CCSER1: variants seen among roughly 807,000 people sequenced by gnomAD.
CCSER1 encodes the protein serine-rich coiled-coil domain-containing protein 1.
CCSER1 carries 41 observed loss-of-function variants against 82.0 expected under a neutral mutation model. That is an observed-to-expected ratio of 0.50 (90% CI 0.39 to 0.65). CCSER1 has a LOEUF of 0.65. Ranked by LOEUF, CCSER1 falls within the 30% of genes least tolerant of loss-of-function variation. The probability of loss-of-function intolerance (pLI) is 0.00; values close to 1 mark genes in which losing one functional copy is unlikely to be tolerated. For synonymous variants in CCSER1, 414 were observed against 383.9 expected, an observed-to-expected ratio of 1.08 and a Z score of -0.92; for missense variants, 1,119 against 1,064.2, an observed-to-expected ratio of 1.05 and a Z score of -0.72.
intron 5 of CCSER1, among the ~76,000 whole-genome samples, chr4:90,506,766 A>C: frequency 9.3e-6 from 1 of 107,648 alleles, no homozygotes; most frequent in African/African-American, 3.9e-5. Context: ...CTCCGTGTCC[A>C]AAAAAAAAAA....
At chr4:91,520,492 C>T (rs1003844260) in intron 10 of CCSER1, among the ~76,000 whole-genome samples, 2 of 152,194 alleles carry the variant, frequency 1.3e-5, no homozygotes. Flanking sequence ...AATCTATCAA[C>T]TTGGTTTTAT....
chr4:91,080,186 A>G (rs1028556185), intron 9 of CCSER1, among the ~76,000 whole-genome samples: 2 of 152,224 alleles, frequency 1.3e-5, no homozygotes, highest in Non-Finnish European at 2.9e-5. Flanking sequence ...TCCTCAGCAA[A>G]TGTAGAAGAA....
chr4:90,812,883 A>T (rs530778593), intron 7 of CCSER1, among the ~76,000 whole-genome samples: 35 of 152,258 alleles, frequency 2.3e-4, no homozygotes, highest in African/African-American at 8.2e-4. Context: ...AACCACCCCC[A>T]TGATCCAATC....
intron 7 of CCSER1, among the ~76,000 whole-genome samples, chr4:90,757,795 GA>G (rs1350164482): frequency 1.4e-5 from 2 of 139,346 alleles, no homozygotes; most frequent in African/African-American, 4.9e-5. Flanking sequence ...AGAGACTGTG[GA>G]GTTTTTTTCT....
At chr4:90,297,085 G>A (rs1397956771) in intron 1 of CCSER1, among the ~76,000 whole-genome samples, 2 of 152,100 alleles carry the variant, frequency 1.3e-5, no homozygotes, top group African/African-American at 4.8e-5. Flanking sequence ...ACCTTGGGCA[G>A]TATGGCCATT....
At chr4:91,440,872 G>A (rs1206491139) in intron 10 of CCSER1, among the ~76,000 whole-genome samples, 1 of 152,154 alleles carries the variant, frequency 6.6e-6, no homozygotes, top group Non-Finnish European at 1.5e-5. Flanking sequence ...AAATCTAGAA[G>A]AAATGGATAA....
chr4:90,358,950 G>T (rs1417454257), intron 3 of CCSER1, among the ~76,000 whole-genome samples: 1 of 152,146 alleles, frequency 6.6e-6, no homozygotes, highest in Non-Finnish European at 1.5e-5. Flanking sequence ...TCAGAATATA[G>T]TTGGAGATAT....
At chr4:91,352,353 TCTC>T (rs1416280690) in intron 10 of CCSER1, among the ~76,000 whole-genome samples, 30 of 152,254 alleles carry the variant, frequency 2.0e-4, no homozygotes, top group East Asian at 1.9e-4. Context: ...TTCAAGCAAT[TCTC>T]CTGCCTCAGC....
chr4:91,014,919 G>A (rs979818314), intron 9 of CCSER1, among the ~76,000 whole-genome samples: 1 of 83,490 alleles, frequency 1.2e-5, no homozygotes, highest in Non-Finnish European at 3.5e-5. Context: ...GTTCAAGTTT[G>A]GAGAGAATCA....
intron 10 of CCSER1, among the ~76,000 whole-genome samples, chr4:91,472,635 A>C (rs1365987672): frequency 6.6e-6 from 1 of 152,186 alleles, no homozygotes; most frequent in Non-Finnish European, 1.5e-5. Context: ...TTGAGATTGT[A>C]ATATTTGTTA....
chr4:90,596,046 A>G (rs1160119953), intron 5 of CCSER1, among the ~76,000 whole-genome samples: 1 of 151,918 alleles, frequency 6.6e-6, no homozygotes, highest in Non-Finnish European at 1.5e-5. Context: ...GTGGTGCCTG[A>G]GTGCTTGCAT....
intron 9 of CCSER1, among the ~76,000 whole-genome samples, chr4:91,064,113 G>C (rs1744171275): frequency 1.3e-5 from 2 of 152,138 alleles, no homozygotes; most frequent in South Asian, 2.1e-4. Context: ...GCTGATAGAG[G>C]AATTAAATGT....
chr4:91,361,685 A>G (rs1749255465), intron 10 of CCSER1, among the ~76,000 whole-genome samples: 1 of 151,794 alleles, frequency 6.6e-6, no homozygotes, highest in South Asian at 2.1e-4. Flanking sequence ...AGCGAAATCT[A>G]TGAAGACACT....
In CCSER1 at chr4:90,162,797, G is replaced by A. The variant is rs550681336; in HGVS notation, c.-42+34966G>A. ...ATGGTTTATGGAGATAGCCTTGTGG[G>A]ATTCTTATCAATTGAAGTTACAATA... On this transcript the variant is annotated intron_variant, in intron 1 of 10. Coordinates refer to ENST00000509176, the MANE Select transcript of CCSER1 (RefSeq NM_001145065.2). Among the ~76,000 whole-genome samples, 5 of 152,142 alleles carry A rather than the reference G, an allele frequency of 3.3e-5. No individual in the cohort carries two copies. The South Asian group carries it at 1.0e-3, about 32-fold the overall frequency.
intron 4 of CCSER1, among the ~76,000 whole-genome samples, chr4:90,416,602 C>A (rs1355166475): frequency 4.6e-5 from 7 of 152,110 alleles, no homozygotes; most frequent in Non-Finnish European, 8.8e-5. Flanking sequence ...AAGTTGGTTA[C>A]CATTCTTGAA....
intron 9 of CCSER1, among the ~76,000 whole-genome samples, chr4:90,975,129 AT>A (rs1175805422): frequency 2.0e-5 from 3 of 151,480 alleles, no homozygotes; most frequent in Non-Finnish European, 4.4e-5. Context: ...CACTTATTGT[AT>A]GATTCAATTT....
intron 3 of CCSER1, among the ~76,000 whole-genome samples, chr4:90,378,543 T>C (rs1748717488): frequency 6.6e-6 from 1 of 152,208 alleles, no homozygotes; most frequent in Non-Finnish European, 1.5e-5. Flanking sequence ...TTAATCCTTA[T>C]ATCCTTAGTG....
At chr4:91,129,107 A>G (rs551723284) in intron 10 of CCSER1, among the ~76,000 whole-genome samples, 31 of 152,176 alleles carry the variant, frequency 2.0e-4, no homozygotes, top group Admixed American at 4.6e-4. Context: ...TCACATTTTC[A>G]AACAGTACCC....
intron 1 of CCSER1, among the ~76,000 whole-genome samples, chr4:90,207,741 A>G (rs1739159225): frequency 2.0e-5 from 3 of 152,034 alleles, no homozygotes; most frequent in African/African-American, 7.2e-5. Context: ...TTTTCCTTCT[A>G]ACAGTCAGGC....
Sources: allele counts gnomAD v4.1 joint callset (sites outside exome capture counted in the v4.1 genomes callset), GRCh38; gene constraint gnomAD v4.1.1; transcripts MANE v1.5; gene names NCBI Gene and HGNC (gene_info 2026-07-23, HGNC 2026-07-21).